The following SNCAIP variants were observed in gnomAD, a reference collection of about 807,000 sequenced individuals.
SNCAIP encodes synphilin-1.
A neutral mutation model predicts 86.7 loss-of-function variants in SNCAIP; 43 were observed. That is an observed-to-expected ratio of 0.50 (90% confidence interval 0.39 to 0.64). SNCAIP has a LOEUF of 0.64. Ranked by LOEUF, SNCAIP falls within the 30% of genes least tolerant of loss-of-function variation. SNCAIP has a pLI of 0.00. For synonymous variants in SNCAIP, 417 were observed against 427.2 expected (o/e 0.98, Z 0.29); for missense variants, 981 against 1,103.1 (o/e 0.89, Z 1.57).
chr5:122,359,385 A>G (rs1580668825), intron 1 of SNCAIP, among the ~76,000 whole-genome samples: 2 of 148,962 alleles, frequency 1.3e-5, no homozygotes, highest in South Asian at 4.2e-4. Flanking sequence ...TTATTTTGAG[A>G]CAGAGTCTTG....
At chr5:122,419,765 C>G (rs938370374) in intron 3 of SNCAIP, among the ~76,000 whole-genome samples, 88 of 152,006 alleles carry the variant, frequency 5.8e-4, no homozygotes, top group African/African-American at 2.0e-3. Flanking sequence ...CAAAATAAGT[C>G]TAAACTTTGT....
chr5:122,462,655 C>T (rs917161205), intron 10 of SNCAIP, among the ~76,000 whole-genome samples: 6 of 152,194 alleles, frequency 3.9e-5, no homozygotes, highest in African/African-American at 1.4e-4. Context: ...TGAGCAAGCA[C>T]AATTTTGAGA....
chr5:122,349,533 T>C (rs1759350750), intron 1 of SNCAIP, among the ~76,000 whole-genome samples: 1 of 152,196 alleles, frequency 6.6e-6, no homozygotes, highest in African/African-American at 2.4e-5. Context: ...ACTTTTAAAA[T>C]GACAGAAAAT....
chr5:122,345,013 T>C (rs1758310436), intron 1 of SNCAIP, among the ~76,000 whole-genome samples: 1 of 152,170 alleles, frequency 6.6e-6, no homozygotes, highest in South Asian at 2.1e-4. Context: ...AGATACACAT[T>C]CTACCAAATG....
chr5:122,463,592 TC>T lies in SNCAIP; in HGVS notation c.*97del. 7.2e-7 allele frequency: 1 copy of T among 1,389,406 alleles called. No individual in the cohort carries two copies. 86.1% of individuals were successfully genotyped at this position (1,389,406 alleles called of 1,614,324 possible). A position where few individuals can be genotyped will look rare whatever the true frequency, so the allele number is the denominator to read the frequency against. ...TTCTTGTAAATCACTTTTTAAATTTTCTCTCACTGATGCCCTTTGGAAATTA... is the reference window on the plus strand; with the variant it reads ...TTCTTGTAAATCACTTTTTAAATTTTTCTCACTGATGCCCTTTGGAAATTA... On this transcript the variant is annotated 3_prime_UTR_variant, in exon 11 of 11. Transcript: ENST00000261368.
Position 122,378,404 on chromosome 5 carries a change from A to C in SNCAIP, c.-46-12685A>C, listed in dbSNP as rs1441518238. ...ATGGGGTTGTTTGTTTTTTTCTTGT[A>C]AATTTGTTTGAGTTCATTGTAGATT... On this transcript the variant is annotated intron_variant, in intron 1 of 10. Transcript: ENST00000261368. Among the ~76,000 whole-genome samples the C allele has an allele frequency of 2.2e-4, 29 of 133,446 alleles. 3 individuals are homozygous for C. The South Asian group carries it at 3.0e-3, about 14-fold the overall frequency. 87.5% of individuals were successfully genotyped at this position (133,446 alleles called of 152,430 possible). A position where few individuals can be genotyped will look rare whatever the true frequency, so the allele number is the denominator to read the frequency against.
intron 5 of SNCAIP, among the ~76,000 whole-genome samples, chr5:122,430,744 T>A (rs978656604): frequency 3.2e-5 from 3 of 93,212 alleles, no homozygotes; most frequent in African/African-American, 9.0e-5. Flanking sequence ...AGAAATTTTT[T>A]AAAAATTATG....
intron 5 of SNCAIP, among the ~76,000 whole-genome samples, chr5:122,426,316 T>C (rs921937461): frequency 2.0e-5 from 3 of 152,222 alleles, no homozygotes; most frequent in African/African-American, 4.8e-5. Flanking sequence ...ATAATAGTTG[T>C]GTCTTCTAAA....
intron 1 of SNCAIP, among the ~76,000 whole-genome samples, chr5:122,377,518 G>A (rs899246406): frequency 7.7e-6 from 1 of 129,132 alleles, no homozygotes; most frequent in East Asian, 2.3e-4. Flanking sequence ...GAGAGAGAGA[G>A]AGAAAGAAAG....
chr5:122,314,360 T>G (rs1213880153), intron 1 of SNCAIP, among the ~76,000 whole-genome samples: 1 of 152,164 alleles, frequency 6.6e-6, no homozygotes, highest in Non-Finnish European at 1.5e-5. Context: ...AGCAGGTGCA[T>G]CATTATAGGA....
intron 1 of SNCAIP, among the ~76,000 whole-genome samples, chr5:122,340,404 G>A (rs1489355398): frequency 3.3e-5 from 5 of 152,118 alleles, no homozygotes. Flanking sequence ...TAAGTTGCCT[G>A]GCAAGAATTA....
At chr5:122,366,281 T>C (rs779498829) in intron 1 of SNCAIP, among the ~76,000 whole-genome samples, 1 of 152,212 alleles carries the variant, frequency 6.6e-6, no homozygotes, top group African/African-American at 2.4e-5. Context: ...GCTGGAATGA[T>C]GTTCAGCTGC....
chr5:122,411,540 T>C (rs1346281659), intron 3 of SNCAIP, among the ~76,000 whole-genome samples: 2 of 152,090 alleles, frequency 1.3e-5, no homozygotes, highest in Non-Finnish European at 2.9e-5. Flanking sequence ...TTTATCCACA[T>C]ATCTCCTTTG....
At chr5:122,456,884 C>T (rs1181051803) in intron 10 of SNCAIP, among the ~76,000 whole-genome samples, 2 of 152,152 alleles carry the variant, frequency 1.3e-5, no homozygotes, top group Admixed American at 6.5e-5. Context: ...TGCAACAGTT[C>T]AGAAAAGTTT....
intron 2 of SNCAIP, among the ~76,000 whole-genome samples, chr5:122,396,715 A>G (rs1363306773): frequency 6.6e-6 from 1 of 152,140 alleles, no homozygotes; most frequent in Non-Finnish European, 1.5e-5. Flanking sequence ...AAGTCAGGTT[A>G]ACTTCATGGT....
At chr5:122,377,941 G>A (rs1434827138) in intron 1 of SNCAIP, among the ~76,000 whole-genome samples, 1 of 151,936 alleles carries the variant, frequency 6.6e-6, no homozygotes, top group Non-Finnish European at 1.5e-5. Context: ...GTCTGTCATT[G>A]TTGGACATTT....
chr5:122,337,022 G>T (rs981881596), intron 1 of SNCAIP: 1 of 152,182 alleles, frequency 6.6e-6, no homozygotes, highest in African/African-American at 2.4e-5. Context: ...CCTCCATTTA[G>T]TCGATGAATT....
chr5:122,437,531 C>T (rs1187347389), intron 6 of SNCAIP, among the ~76,000 whole-genome samples: 1 of 152,146 alleles, frequency 6.6e-6, no homozygotes, highest in East Asian at 1.9e-4. Context: ...ACAGGCCAAT[C>T]GCACTTCTTA....
chr5:122,463,213 G>A (rs967182404), intron 10 of SNCAIP, among the ~76,000 whole-genome samples: 9 of 152,202 alleles, frequency 5.9e-5, no homozygotes, highest in Non-Finnish European at 1.0e-4. Flanking sequence ...TCCCTTGACT[G>A]TAAAATGCCT....
Sources: allele counts gnomAD v4.1 joint callset (sites outside exome capture counted in the v4.1 genomes callset), GRCh38; gene constraint gnomAD v4.1.1; transcripts MANE v1.5; gene names NCBI Gene and HGNC (gene_info 2026-07-23, HGNC 2026-07-21).